Variants in COL9A3 observed in about 807,000 individuals in gnomAD.
COL9A3 encodes collagen alpha-3(IX) chain.
COL9A3 carries 82 observed loss-of-function variants against 110.2 expected under a neutral mutation model. That is an observed-to-expected ratio of 0.74 (90% CI 0.62 to 0.89). The LOEUF is 0.89. COL9A3 is among the 40% of genes least tolerant of loss of function. The pLI, the probability that COL9A3 is intolerant of heterozygous loss-of-function variation, is 0.00. For synonymous variants in COL9A3, 494 were observed against 403.8 expected (o/e 1.22, Z -2.68); for missense variants, 1,066 against 981.3 (o/e 1.09, Z -1.15).
At chr20:62,839,879 G>C (rs2063662314) in intron 31 of COL9A3, among the ~76,000 whole-genome samples, 1 of 151,950 alleles carries the variant, frequency 6.6e-6, no homozygotes. Flanking sequence ...CACACACACT[G>C]CTCTCTGGGT....
intron 5 of COL9A3, among the ~76,000 whole-genome samples, chr20:62,820,733 C>G (rs375203325): frequency 6.6e-6 from 1 of 152,050 alleles, no homozygotes; most frequent in South Asian, 2.1e-4. Context: ...CCGTGCGTGC[C>G]GTCCAGGGAA....
chr20:62,830,386 C>A lies in COL9A3; in HGVS notation c.1188C>A (p.Pro396=). ...GGGCCCTCGGCCCACAAGGCCCTCC[C>A]GGAGCCCCTGGTGTCCGAGGCTTCC... The part of the protein sequence containing the change: ...SAGALGPQGP[P]GAPGVRGFQG... The change falls in exon 23 of 32, where the codon CCC becomes CCA. Residue 396 remains proline, a synonymous_variant. Transcript: ENST00000649368. 1 of 1,573,114 alleles carries A rather than the reference C, an allele frequency of 6.4e-7. No individual in the cohort carries two copies. The highest frequency in any genetic ancestry group is 1.8e-5 in the Admixed American group (1 of 54,268).
rs1333557709 is a variant in COL9A3, at chr20:62,840,779, G to A, written c.*47G>A. The A allele has an allele frequency of 1.3e-6, 2 of 1,548,376 alleles. No homozygotes were observed. Among genetic ancestry groups the A allele is most frequent in the East Asian group, 2.4e-5 (1 of 40,906 alleles). On this transcript the variant is annotated 3_prime_UTR_variant, in exon 32 of 32. Transcript: ENST00000649368. ...TGACAAGGACGCCCGAAGCACAGTG[G>A]ACGGTCATGAAGGAGCGGGGGTGTG...
intron 4 of COL9A3, 66 bp downstream of exon 4, chr20:62,819,359 C>G (rs935556346): frequency 6.8e-7 from 1 of 1,465,782 alleles, no homozygotes; most frequent in African/African-American, 1.4e-5. Context: ...GGAGTCCGGC[C>G]CTAATTGCTG....
rs762364826 is a variant in COL9A3 at position 62,826,800 on chromosome 20, C to G, written c.772C>G (p.Pro258Ala). The G allele has an allele frequency of 2.5e-6, 4 of 1,612,824 alleles. No individual in the cohort carries two copies. Among genetic ancestry groups the G allele is most frequent in the Non-Finnish European group, 8.5e-7 (1 of 1,179,952 alleles). The change falls in exon 15 of 32, where the codon CCA becomes GCA. Residue 258 changes from proline (P) to alanine (A), a missense_variant. Coordinates refer to ENST00000649368, the MANE Select transcript of COL9A3 (RefSeq NM_001853.4). ...TGGGTTCCGAGGGCCGCCTGGGATC[C>G]CAGGAGCGCCTGGGAAAGCGGTACG... ...PIGFRGPPGIPGAPGKAGDRG... is the reference protein window; with the variant it reads ...PIGFRGPPGIAGAPGKAGDRG...
chr20:62,817,383 G>T, intron 1 of COL9A3, 184 bp from the exon 2 acceptor site: 1 of 534,016 alleles, frequency 1.9e-6, no homozygotes, highest in Non-Finnish European at 3.2e-6. Context: ...CTTTGTTCCC[G>T]CCGCCGGAGG....
At chr20:62,827,025 G>A (rs548418002) in intron 15 of COL9A3, among the ~76,000 whole-genome samples, 7 of 152,122 alleles carry the variant, frequency 4.6e-5, no homozygotes, top group Non-Finnish European at 1.0e-4. Context: ...CTCCTTTCTG[G>A]TTCTGGACGT....
intron 20 of COL9A3, 30 bp from the exon 21 acceptor site, chr20:62,829,598 C>T (rs760470217): frequency 3.1e-6 from 5 of 1,610,082 alleles, no homozygotes; most frequent in South Asian, 2.2e-5. Flanking sequence ...CAGGTGTAGG[C>T]AGGCACTCAC....
chr20:62,834,792 A>C (rs540429100), intron 26 of COL9A3, among the ~76,000 whole-genome samples: 1 of 152,010 alleles, frequency 6.6e-6, no homozygotes, highest in African/African-American at 2.4e-5. Flanking sequence ...ACAGGTGCCC[A>C]CCATCACACC....
In COL9A3 at chr20:62,829,612, T is replaced by C. The variant is rs1428049980; in HGVS notation, c.1054-16T>C. 4.3e-6 allele frequency: 7 copies of C among 1,609,602 alleles called. No individual in the cohort carries two copies. The highest frequency in any genetic ancestry group is 1.7e-5 in the Admixed American group (1 of 59,398). On this transcript the variant is annotated splice_polypyrimidine_tract_variant and intron_variant, in intron 20 of 31. Transcript: ENST00000649368. ...GCAGGTGTAGGCAGGCACTCACAGC[T>C]CTCCTTCCTCTACAGGGCAGAGCTG...
chr20:62,824,359 C>T (rs1269820194), intron 10 of COL9A3, 86 bp from the exon 11 acceptor site: 1 of 1,425,482 alleles, frequency 7.0e-7, no homozygotes, highest in Non-Finnish European at 9.7e-7. Context: ...AGAGTGGCCT[C>T]CTGGGGTCCC....
At position 62,828,807 on chromosome 20, in the gene COL9A3, A is replaced by G. The variant is rs761945190; in HGVS notation, c.944A>G (p.Asp315Gly). The G allele has an allele frequency of 3.1e-6, 5 of 1,612,808 alleles. No individual in the cohort carries two copies. Among genetic ancestry groups the G allele is most frequent in the Non-Finnish European group, 3.4e-6 (4 of 1,179,906 alleles). ...KDGQNGVPGL[D>G]GQKGEAGRNG... ...GGCCAGAATGGCGTGCCAGGACTCG[A>G]TGGCCAGAAGGTTGGCATGGGGCTC... Residue 315 changes from aspartate to glycine, a missense_variant, in exon 18 of 32, where the codon GAT (aspartate) becomes GGT (glycine). Asp to Gly is a moderately conservative substitution (Grantham distance 94, BLOSUM62 -1). Transcript: ENST00000649368.
At chr20:62,836,112 C>G in intron 27 of COL9A3, 75 bp from the exon 28 acceptor site, 1 of 1,605,226 alleles carries the variant, frequency 6.2e-7, no homozygotes, top group Non-Finnish European at 8.5e-7. Flanking sequence ...TCCGTGCCGG[C>G]TGGGAAAGAG....
At chr20:62,836,654 A>C (rs1600810959) in intron 29 of COL9A3, 122 bp downstream of exon 29, 1 of 1,079,470 alleles carries the variant, frequency 9.3e-7, no homozygotes, top group South Asian at 1.6e-5. Context: ...CCTAGCACTC[A>C]CCCCGCCTGT....
intron 24 of COL9A3, chr20:62,831,456 C>T (rs149369858): frequency 5.1e-4 from 78 of 153,454 alleles, no homozygotes; most frequent in Non-Finnish European, 7.8e-4. Context: ...CCCGTCATTC[C>T]AGGGTGATGG....
intron 29 of COL9A3, 155 bp downstream of exon 29, chr20:62,836,687 G>A (rs1183688118): frequency 8.6e-6 from 7 of 814,302 alleles, no homozygotes; most frequent in Admixed American, 2.7e-5. Flanking sequence ...GTCCACGTCC[G>A]CCTTGGCGTC....
chr20:62,819,128 TG>T (rs1991033482), intron 3 of COL9A3, 93 bp from the exon 4 acceptor site: 10 of 1,254,520 alleles, frequency 8.0e-6, no homozygotes, highest in Admixed American at 3.8e-5. Context: ...ATGGTTGGGC[TG>T]GGGGGAAGTG....
In COL9A3 at chr20:62,822,080, C is replaced by T. The variant is rs370060464; in HGVS notation, c.424-31C>T. ...CACCTCACTCAGGTGGGGGCTGGTC[C>T]CACTCTGTCTAAGTCATACCCCCTC... On this transcript the variant is annotated intron_variant, in intron 8 of 31. Transcript: ENST00000649368. 9.7e-5 allele frequency: 136 copies of T among 1,405,552 alleles called. 1 individual carries two copies. Among genetic ancestry groups the T allele is most frequent in the Non-Finnish European group, 1.3e-4 (128 of 990,528 alleles). 87.1% of individuals were successfully genotyped at this position (1,405,552 alleles called of 1,614,324 possible).
chr20:62,822,046 G>A, intron 8 of COL9A3, 65 bp from the exon 9 acceptor site: 1 of 1,005,048 alleles, frequency 9.9e-7, no homozygotes, highest in Non-Finnish European at 1.6e-6. Context: ...CTCCCTGGGA[G>A]AAGCCGGGCA....
Sources: allele counts gnomAD v4.1 joint callset (sites outside exome capture counted in the v4.1 genomes callset), GRCh38; gene constraint gnomAD v4.1.1; transcripts MANE v1.5; gene names NCBI Gene and HGNC (gene_info 2026-07-23, HGNC 2026-07-21).